Variants in SEL1L observed in about 807,000 individuals in gnomAD.
SEL1L encodes the protein protein sel-1 homolog 1.
Under a neutral mutation model 109.8 loss-of-function variants are expected in SEL1L, and 52 were observed. The ratio of observed to expected loss-of-function variants is 0.47; its 90% CI spans 0.38 to 0.60. The LOEUF is 0.60. Ranked by LOEUF, SEL1L falls within the 20% of genes least tolerant of loss-of-function variation. The probability of loss-of-function intolerance (pLI) is 0.00; values close to 1 mark genes in which losing one functional copy is unlikely to be tolerated. For missense variants in SEL1L, 749 were observed against 962.2 expected (o/e 0.78, Z 2.93); for synonymous variants, 373 against 339.6 (o/e 1.10, Z -1.08).
chr14:81,509,476 G>T (rs1409393240), intron 3 of SEL1L, among the ~76,000 whole-genome samples: 15 of 152,022 alleles, frequency 9.9e-5, no homozygotes, highest in Non-Finnish European at 8.8e-5. Flanking sequence ...ATCATATTTT[G>T]GCTCTACAAT....
intron 3 of SEL1L, among the ~76,000 whole-genome samples, chr14:81,516,747 C>CT (rs1315847055): frequency 6.6e-6 from 1 of 152,180 alleles, no homozygotes. Flanking sequence ...CACTGGGTCT[C>CT]TAACAAGCCT....
chr14:81,480,486 G>A (rs888613589), intron 19 of SEL1L, among the ~76,000 whole-genome samples: 2 of 152,174 alleles, frequency 1.3e-5, no homozygotes, highest in Admixed American at 1.3e-4. Flanking sequence ...CACTTTGGGA[G>A]AGCGAGGCAG....
Position 81,476,942 on chromosome 14 carries a change from G to A in SEL1L, c.*30C>T. The A allele has an allele frequency of 6.2e-7, 1 of 1,607,814 alleles. No homozygotes were observed. Among genetic ancestry groups the A allele is most frequent in the Non-Finnish European group, 8.5e-7 (1 of 1,175,180 alleles). On this transcript the variant is annotated 3_prime_UTR_variant, in exon 21 of 21. Transcript: ENST00000336735. ...TTCCCAGCAGATAACTTCCTTCGCT[G>A]TCACTGATCAAGGCTGGACCCAGTG...
At chr14:81,480,848 C>G (rs998411443) in intron 19 of SEL1L, among the ~76,000 whole-genome samples, 3 of 152,214 alleles carry the variant, frequency 2.0e-5, no homozygotes, top group African/African-American at 7.2e-5. Context: ...GTATGCACAG[C>G]AACGTTTCTC....
At chr14:81,488,851 T>TGGTAG (rs1317314869) in intron 14 of SEL1L, 4 of 230,644 alleles carry the variant, frequency 1.7e-5, no homozygotes, top group Admixed American at 5.8e-5. Flanking sequence ...AGAAGACAGG[T>TGGTAG]GGTAGCTAGA....
At chr14:81,512,714 G>A (rs1884535975) in intron 3 of SEL1L, among the ~76,000 whole-genome samples, 1 of 152,220 alleles carries the variant, frequency 6.6e-6, no homozygotes, top group African/African-American at 2.4e-5. Flanking sequence ...GCCATTGTCT[G>A]ATGGATTTTT....
rs1470130578 is a variant in SEL1L, at chr14:81,473,649, G to A, written c.*3323C>T. On this transcript the variant is annotated 3_prime_UTR_variant, in exon 21 of 21. Coordinates refer to ENST00000336735, the MANE Select transcript of SEL1L (RefSeq NM_005065.6). ...AATATAGCCCTGCTTGTCTTGGCAG[G>A]TAAAGGGGCTGTTTTCATGACACAT... 1 of 152,134 alleles carries A rather than the reference G, an allele frequency of 6.6e-6. No individual in the cohort carries two copies. The highest frequency in any genetic ancestry group is 1.5e-5 in the Non-Finnish European group (1 of 68,018). The allele number at this position is 152,134 out of a possible 1,614,324, so 9.4% of individuals were successfully genotyped here.
At chr14:81,507,560 T>TA (rs1485454640) in intron 3 of SEL1L, among the ~76,000 whole-genome samples, 3 of 147,202 alleles carry the variant, frequency 2.0e-5, no homozygotes, top group Non-Finnish European at 4.5e-5. Flanking sequence ...AGGTGGCTAT[T>TA]AAAAAAACAA....
Position 81,476,687 on chromosome 14 carries a change from T to C in SEL1L, c.*285A>G. ...GAAAGATAGCTGGATACAGTAGACA[T>C]TACTCTGAGTGTCTCACATATGTTT... On this transcript the variant is annotated 3_prime_UTR_variant, in exon 21 of 21. Transcript: ENST00000336735. 2.6e-6 allele frequency: 1 copy of C among 383,246 alleles called. No individual in the cohort carries two copies. Among genetic ancestry groups the C allele is most frequent in the Non-Finnish European group, 4.8e-6 (1 of 208,308 alleles). 23.7% of individuals were successfully genotyped at this position (383,246 alleles called of 1,614,324 possible). A position where few individuals can be genotyped will look rare whatever the true frequency, so the allele number is the denominator to read the frequency against.
At chr14:81,507,553 T>C (rs908806627) in intron 3 of SEL1L, among the ~76,000 whole-genome samples, 1 of 150,420 alleles carries the variant, frequency 6.6e-6, no homozygotes, top group African/African-American at 2.5e-5. Flanking sequence ...ACATTCAAGG[T>C]GGCTATTAAA....
intron 3 of SEL1L, among the ~76,000 whole-genome samples, chr14:81,508,468 A>G (rs1884330870): frequency 6.6e-6 from 1 of 152,074 alleles, no homozygotes; most frequent in Admixed American, 6.6e-5. Context: ...TCTGAGAGCC[A>G]GGCACGGTGG....
At chr14:81,489,401 T>C (rs1883457594) in intron 13 of SEL1L, 87 bp from the exon 14 acceptor site, 2 of 1,089,600 alleles carry the variant, frequency 1.8e-6, no homozygotes, top group African/African-American at 1.6e-5. Flanking sequence ...AAATCATTTA[T>C]AAGCATATTC....
At chr14:81,521,259 CA>C (rs2140052203) in intron 3 of SEL1L, among the ~76,000 whole-genome samples, 1 of 152,168 alleles carries the variant, frequency 6.6e-6, no homozygotes, top group South Asian at 2.1e-4. Context: ...TCTAACCCAC[CA>C]AAAGCAATCT....
intron 17 of SEL1L, 36 bp downstream of exon 17, chr14:81,486,253 A>C (rs755344832): frequency 1.9e-6 from 3 of 1,607,380 alleles, no homozygotes; most frequent in South Asian, 1.1e-5. Flanking sequence ...GAACTCGTAC[A>C]TTCTAAACCT....
chr14:81,497,203 T>C (rs1054324758), intron 10 of SEL1L, among the ~76,000 whole-genome samples: 3 of 152,242 alleles, frequency 2.0e-5, no homozygotes, highest in East Asian at 3.8e-4. Flanking sequence ...TACGTTTTTT[T>C]TTCCTTAAGA....
intron 11 of SEL1L, among the ~76,000 whole-genome samples, chr14:81,493,415 C>G (rs1347828164): frequency 6.6e-6 from 1 of 152,110 alleles, no homozygotes; most frequent in East Asian, 1.9e-4. Flanking sequence ...GAGGCTGACG[C>G]AGGACAATTG....
At chr14:81,495,583 A>G (rs981529505) in intron 10 of SEL1L, among the ~76,000 whole-genome samples, 3 of 152,124 alleles carry the variant, frequency 2.0e-5, no homozygotes. Flanking sequence ...GGCTGCAGTG[A>G]GCTGTGATTG....
At chr14:81,514,134 T>C (rs1342970867) in intron 3 of SEL1L, among the ~76,000 whole-genome samples, 1 of 152,216 alleles carries the variant, frequency 6.6e-6, no homozygotes, top group Admixed American at 6.5e-5. Flanking sequence ...TTTAGGCACC[T>C]GGGCTCACTA....
intron 3 of SEL1L, among the ~76,000 whole-genome samples, chr14:81,507,661 T>A (rs1234615501): frequency 6.8e-6 from 1 of 146,000 alleles, no homozygotes; most frequent in African/African-American, 2.5e-5. Context: ...CAGTTACAGC[T>A]AAAAAAAAAA....
Sources: allele counts gnomAD v4.1 joint callset (sites outside exome capture counted in the v4.1 genomes callset), GRCh38; gene constraint gnomAD v4.1.1; transcripts MANE v1.5; gene names NCBI Gene and HGNC (gene_info 2026-07-23, HGNC 2026-07-21).